ELMO1: variants seen among roughly 807,000 people sequenced by gnomAD.
ELMO1 encodes engulfment and cell motility protein 1.
A neutral mutation model predicts 98.9 loss-of-function variants in ELMO1; 26 were observed. The ratio of observed to expected loss-of-function variants is 0.26; its 90% confidence interval spans 0.19 to 0.36. ELMO1 has a LOEUF of 0.36. ELMO1 is among the 10% of genes least tolerant of loss of function. The probability of loss-of-function intolerance (pLI) is 1.00; values close to 1 mark genes in which losing one functional copy is unlikely to be tolerated. For missense variants in ELMO1, 627 were observed against 935.2 expected (o/e 0.67, Z 4.30); for synonymous variants, 346 against 346.0 (o/e 1.00, Z 0.00).
chr7:37,079,853 C>T (rs1158945240), intron 15 of ELMO1, among the ~76,000 whole-genome samples: 2 of 152,178 alleles, frequency 1.3e-5, no homozygotes, highest in Non-Finnish European at 2.9e-5. Context: ...CTCTTCAATG[C>T]TTTCATTCAG....
At chr7:37,276,317 A>G (rs1796830081) in intron 4 of ELMO1, among the ~76,000 whole-genome samples, 2 of 152,204 alleles carry the variant, frequency 1.3e-5, no homozygotes, top group East Asian at 1.9e-4. Flanking sequence ...AAGCACAAAA[A>G]TAACACGTAG....
intron 15 of ELMO1, among the ~76,000 whole-genome samples, chr7:37,093,683 C>A (rs1392786210): frequency 6.6e-6 from 1 of 152,184 alleles, no homozygotes; most frequent in Non-Finnish European, 1.5e-5. Context: ...CATTAAAAAG[C>A]AATTTTGCTC....
intron 4 of ELMO1, among the ~76,000 whole-genome samples, chr7:37,305,924 A>T (rs1475482902): frequency 6.6e-6 from 1 of 152,196 alleles, no homozygotes; most frequent in Non-Finnish European, 1.5e-5. Context: ...AGAGAAAAAG[A>T]ACTAGTAGAC....
chr7:37,411,693 A>G (rs1266724778), intron 1 of ELMO1, among the ~76,000 whole-genome samples: 2 of 152,238 alleles, frequency 1.3e-5, no homozygotes, highest in African/African-American at 4.8e-5. Flanking sequence ...ACTAATATTC[A>G]TATGACTAAT....
chr7:37,179,069 G>A (rs1429051280), intron 13 of ELMO1, among the ~76,000 whole-genome samples: 2 of 152,140 alleles, frequency 1.3e-5, no homozygotes, highest in Admixed American at 1.3e-4. Context: ...TATGATATTA[G>A]CATTGCCGGA....
intron 16 of ELMO1, among the ~76,000 whole-genome samples, chr7:36,938,709 A>G (rs911254945): frequency 6.6e-6 from 1 of 152,202 alleles, no homozygotes; most frequent in Admixed American, 6.5e-5. Context: ...GGCCTTTATT[A>G]CAGTTTCTTC....
intron 6 of ELMO1, among the ~76,000 whole-genome samples, chr7:37,255,094 C>T (rs1026395715): frequency 3.9e-5 from 6 of 152,168 alleles, no homozygotes; most frequent in Admixed American, 6.5e-5. Flanking sequence ...CTTTTATAAG[C>T]ATTACGGACT....
intron 13 of ELMO1, among the ~76,000 whole-genome samples, chr7:37,165,668 C>T (rs910280432): frequency 2.0e-5 from 3 of 152,186 alleles, no homozygotes; most frequent in Admixed American, 6.5e-5. Flanking sequence ...GAACCAGCCT[C>T]ACATCCCAGG....
intron 21 of ELMO1, among the ~76,000 whole-genome samples, chr7:36,856,180 T>C (rs896742103): frequency 2.6e-5 from 4 of 152,198 alleles, no homozygotes; most frequent in Non-Finnish European, 5.9e-5. Flanking sequence ...GCAGGTTTCT[T>C]TGCTGACTCC....
At chr7:37,061,681 T>C (rs777360264) in intron 15 of ELMO1, among the ~76,000 whole-genome samples, 16 of 152,288 alleles carry the variant, frequency 1.1e-4, no homozygotes, top group East Asian at 3.9e-4. Context: ...AAGGAGACTA[T>C]GCTGTCTGCT....
chr7:37,360,091 C>T (rs989809665), intron 1 of ELMO1, among the ~76,000 whole-genome samples: 6 of 152,172 alleles, frequency 3.9e-5, no homozygotes, highest in African/African-American at 1.4e-4. Flanking sequence ...TAAGCTTTTA[C>T]CTTTTCACTT....
At chr7:37,334,977 T>C (rs1489334839) in intron 2 of ELMO1, among the ~76,000 whole-genome samples, 1 of 152,182 alleles carries the variant, frequency 6.6e-6, no homozygotes, top group Non-Finnish European at 1.5e-5. Flanking sequence ...CTGTTCAGAA[T>C]TGAAACCTAT....
chr7:37,435,561 T>C (rs1217248120), intron 1 of ELMO1, among the ~76,000 whole-genome samples: 1 of 152,236 alleles, frequency 6.6e-6, no homozygotes, highest in Non-Finnish European at 1.5e-5. Context: ...AGATATATGT[T>C]GAGATAAAAA....
intron 13 of ELMO1, among the ~76,000 whole-genome samples, chr7:37,205,619 G>A (rs556838303): frequency 1.2e-4 from 18 of 152,226 alleles, no homozygotes; most frequent in African/African-American, 7.2e-5. Flanking sequence ...TGAGAAAAAC[G>A]TGGCCTAGAC....
chr7:37,383,359 T>C (rs1424488769), intron 1 of ELMO1, among the ~76,000 whole-genome samples: 2 of 152,194 alleles, frequency 1.3e-5, no homozygotes, highest in African/African-American at 2.4e-5. Context: ...CGCCTCACAG[T>C]GAGAGTCAGG....
At position 37,240,642 on chromosome 7, in the gene ELMO1, C is replaced by CA. The variant is rs551076196; in HGVS notation, c.449+3713dup. 9.1e-4 allele frequency among the ~76,000 whole-genome samples: 138 copies of CA among 152,272 alleles called. 2 individuals carry two copies. In the South Asian group the frequency reaches 0.028, roughly 31 times the overall value. ...ACAAATTTCCCCCTAAGCACAGCTT[C>CA]AGCTGCATTCACAAATTTGGGTATG... is the stretch of plus-strand genomic sequence containing the variant. On this transcript the variant is annotated intron_variant, in intron 7 of 21. Coordinates refer to ENST00000310758, the MANE Select transcript of ELMO1 (RefSeq NM_014800.11).
chr7:36,953,965 A>G (rs951900782), intron 16 of ELMO1, among the ~76,000 whole-genome samples: 3 of 152,018 alleles, frequency 2.0e-5, no homozygotes, highest in Non-Finnish European at 2.9e-5. Context: ...TACTATCTTT[A>G]TTCAGAAGCT....
chr7:36,960,326 C>T (rs1015207232), intron 16 of ELMO1, among the ~76,000 whole-genome samples: 2 of 152,218 alleles, frequency 1.3e-5, no homozygotes, highest in Non-Finnish European at 2.9e-5. Context: ...AAGACTAGCT[C>T]TCTGAGACCA....
chr7:37,027,649 T>C (rs1399060207), intron 15 of ELMO1, among the ~76,000 whole-genome samples: 1 of 152,166 alleles, frequency 6.6e-6, no homozygotes, highest in Non-Finnish European at 1.5e-5. Flanking sequence ...GTTCAGTCCC[T>C]TAAACAAGTG....
Sources: gnomAD v4.1 joint callset for allele counts (sites outside exome capture counted in the v4.1 genomes callset) on GRCh38, gnomAD v4.1.1 for gene constraint, MANE v1.5 for transcripts, NCBI Gene and HGNC (gene_info 2026-07-23, HGNC 2026-07-21) for gene names.